Variants in CDH2 observed in about 807,000 individuals in gnomAD.
CDH2 encodes cadherin 2.
CDH2 carries 17 observed loss-of-function variants against 92.0 expected under a neutral mutation model. The observed-to-expected ratio is 0.18, with a 90% CI of 0.13 to 0.28. The LOEUF is 0.28. Ranked by LOEUF, CDH2 falls within the 10% of genes least tolerant of loss-of-function variation. The pLI, the probability that CDH2 is intolerant of heterozygous loss-of-function variation, is 1.00. For synonymous variants in CDH2, 419 were observed against 415.9 expected, an observed-to-expected ratio of 1.01 and a Z score of -0.09; for missense variants, 862 against 1,133.1, an observed-to-expected ratio of 0.76 and a Z score of 3.44.
chr18:28,036,245 C>G (rs2013824717), intron 2 of CDH2, among the ~76,000 whole-genome samples: 1 of 152,226 alleles, frequency 6.6e-6, no homozygotes, highest in Non-Finnish European at 1.5e-5. Context: ...TTGTAACATT[C>G]ATTTTTTTAA....
chr18:28,128,386 G>A (rs1031361104), intron 2 of CDH2, among the ~76,000 whole-genome samples: 3 of 152,108 alleles, frequency 2.0e-5, no homozygotes, highest in African/African-American at 7.2e-5. Flanking sequence ...TAATGATGTG[G>A]CTACTGTTCA....
At chr18:28,043,490 ATATAAAT>A (rs2014000597) in intron 2 of CDH2, among the ~76,000 whole-genome samples, 1 of 75,910 alleles carries the variant, frequency 1.3e-5, no homozygotes, top group African/African-American at 5.5e-5. Context: ...ATATATATAT[ATATAAAT>A]ATATATATAT....
chr18:27,985,126 T>C lies in CDH2; in HGVS notation c.2083A>G (p.Ile695Val), dbSNP rs778982228. The C allele has an allele frequency of 1.2e-6, 2 of 1,613,814 alleles. No individual in the cohort carries two copies. The highest frequency in any genetic ancestry group is 1.7e-5 in the Admixed American group (1 of 60,018). ...SGNPPKSNIS[I>V]LRVKVCQCDS... ...CACTGGCAAACCTTCACACGCAGGA[T>C]GGAAATATTTGATTTGGGAGGATTA... is the stretch of plus-strand genomic sequence containing the variant. Residue 695 changes from isoleucine (I) to valine (V), a missense_variant, in exon 13 of 16, where the codon ATC (isoleucine) becomes GTC (valine). By Grantham distance (29) the Ile-to-Val change is conservative. Coordinates refer to ENST00000269141, the MANE Select transcript of CDH2 (RefSeq NM_001792.5).
At chr18:28,107,628 CA>C (rs1361426996) in intron 2 of CDH2, among the ~76,000 whole-genome samples, 2 of 151,974 alleles carry the variant, frequency 1.3e-5, no homozygotes, top group African/African-American at 4.8e-5. Context: ...TACAAATAAG[CA>C]TATTAGAGCT....
At chr18:28,033,589 T>C (rs2013752415) in intron 2 of CDH2, among the ~76,000 whole-genome samples, 1 of 152,098 alleles carries the variant, frequency 6.6e-6, no homozygotes, top group Non-Finnish European at 1.5e-5. Context: ...AGGCTTAGAA[T>C]TTCCCCATTT....
chr18:28,047,291 A>G (rs1479822414), intron 2 of CDH2, among the ~76,000 whole-genome samples: 1 of 152,220 alleles, frequency 6.6e-6, no homozygotes, highest in Non-Finnish European at 1.5e-5. Context: ...TTGGCCCTCA[A>G]TATTCAAGGC....
intron 1 of CDH2, among the ~76,000 whole-genome samples, chr18:28,161,823 T>C (rs966989839): frequency 1.1e-4 from 16 of 152,254 alleles, no homozygotes; most frequent in African/African-American, 3.8e-4. Context: ...AATAACATTC[T>C]TGACCTTTGG....
chr18:28,013,966 A>C (rs2013172432), intron 2 of CDH2, 57 bp from the exon 3 acceptor site: 6 of 1,243,086 alleles, frequency 4.8e-6, no homozygotes, highest in Middle Eastern at 2.2e-4. Context: ...GGCAAAAAAA[A>C]ACCCCTAATA....
At chr18:28,169,586 A>T (rs1254942806) in intron 1 of CDH2, among the ~76,000 whole-genome samples, 1 of 152,208 alleles carries the variant, frequency 6.6e-6, no homozygotes, top group African/African-American at 2.4e-5. Context: ...ATGGCCAATT[A>T]ATGTTTTTAA....
chr18:28,027,529 G>GA (rs1567970232), intron 2 of CDH2, among the ~76,000 whole-genome samples: 1 of 151,096 alleles, frequency 6.6e-6, no homozygotes, highest in African/African-American at 2.4e-5. Context: ...ATACAAAACT[G>GA]AAAAAAAATC....
At chr18:28,125,732 C>G (rs1023037096) in intron 2 of CDH2, among the ~76,000 whole-genome samples, 3 of 152,114 alleles carry the variant, frequency 2.0e-5, no homozygotes, top group Admixed American at 1.3e-4. Context: ...TGCACCCTAA[C>G]AGGCACGTAA....
chr18:28,144,605 A>G (rs1030675845), intron 2 of CDH2, among the ~76,000 whole-genome samples: 14 of 152,206 alleles, frequency 9.2e-5, no homozygotes, highest in Admixed American at 7.2e-4. Flanking sequence ...AAGAATCTCC[A>G]TAGCAGCACT....
intron 2 of CDH2, among the ~76,000 whole-genome samples, chr18:28,135,152 C>A (rs78783840): frequency 0.01 from 1,559 of 152,224 alleles, 31 homozygotes; most frequent in African/African-American, 0.034. Context: ...GGGTGTGGGA[C>A]AGCTAAATAG....
chr18:27,978,826 A>T (rs531950357), intron 14 of CDH2, among the ~76,000 whole-genome samples: 2 of 147,002 alleles, frequency 1.4e-5, no homozygotes, highest in Non-Finnish European at 3.0e-5. Context: ...TTAATTAACA[A>T]TTTTTTTTTT....
At chr18:28,114,634 G>A (rs1303691155) in intron 2 of CDH2, among the ~76,000 whole-genome samples, 2 of 152,064 alleles carry the variant, frequency 1.3e-5, no homozygotes, top group African/African-American at 4.8e-5. Context: ...GCAGTCAAAG[G>A]TGGTTTTTAA....
chr18:28,087,912 A>G (rs2014965131), intron 2 of CDH2, among the ~76,000 whole-genome samples: 1 of 152,160 alleles, frequency 6.6e-6, no homozygotes, highest in Non-Finnish European at 1.5e-5. Flanking sequence ...AAACCACACT[A>G]CAGATACTCG....
At chr18:27,957,422 GT>G (rs11449848) in intron 15 of CDH2, among the ~76,000 whole-genome samples, 9 of 142,932 alleles carry the variant, frequency 6.3e-5, no homozygotes, top group South Asian at 4.9e-4. Context: ...GCTAATTTTT[GT>G]TTTTTTTTGT....
intron 2 of CDH2, among the ~76,000 whole-genome samples, chr18:28,124,475 C>T (rs1045981838): frequency 6.6e-6 from 1 of 152,118 alleles, no homozygotes; most frequent in African/African-American, 2.4e-5. Flanking sequence ...CATTTTTACA[C>T]ATTCAAAGCG....
At chr18:27,973,521 G>A (rs1291396182) in intron 14 of CDH2, among the ~76,000 whole-genome samples, 1 of 152,098 alleles carries the variant, frequency 6.6e-6, no homozygotes, top group Non-Finnish European at 1.5e-5. Flanking sequence ...TTCATGAGCT[G>A]TGCCTACTGT....
Sources: gnomAD v4.1 joint callset for allele counts (sites outside exome capture counted in the v4.1 genomes callset) on GRCh38, gnomAD v4.1.1 for gene constraint, MANE v1.5 for transcripts, NCBI Gene and HGNC (gene_info 2026-07-23, HGNC 2026-07-21) for gene names.